The following FAM25A variants were observed in gnomAD, a reference collection of about 807,000 sequenced individuals.
The protein encoded by FAM25A is family with sequence similarity 25 member A.
Under a neutral mutation model 6.6 loss-of-function variants are expected in FAM25A, and 5 were observed. That is an observed-to-expected ratio of 0.75 (90% CI 0.39 to 1.59). FAM25A has a LOEUF of 1.59. Among genes scored for constraint, FAM25A ranks in the 40% most tolerant of loss-of-function variants. The pLI is 0.02. For synonymous variants in FAM25A, 36 were observed against 41.3 expected, an observed-to-expected ratio of 0.87 and a Z score of 0.49; for missense variants, 93 against 109.7, an observed-to-expected ratio of 0.85 and a Z score of 0.68.
At chr10:87,022,209 C>T (rs1480792534) in intron 1 of FAM25A, 105 bp from the exon 2 acceptor site, 4 of 1,407,596 alleles carry the variant, frequency 2.8e-6, no homozygotes, top group Non-Finnish European at 3.9e-6. Context: ...TGAGCCCTCA[C>T]CCTGGACTGG....
chr10:87,020,984 T>C (rs1845325065), intron 1 of FAM25A, among the ~76,000 whole-genome samples: 1 of 152,160 alleles, frequency 6.6e-6, no homozygotes, highest in Non-Finnish European at 1.5e-5. Flanking sequence ...CCCACCACCA[T>C]GCCCAACTAA....
At chr10:87,024,168 A>C (rs1225046843) in intron 2 of FAM25A, among the ~76,000 whole-genome samples, 1 of 151,924 alleles carries the variant, frequency 6.6e-6, no homozygotes, top group African/African-American at 2.4e-5. Context: ...CCAAAAAAAA[A>C]AAAACTATAA....
Position 87,022,355 on chromosome 10 carries a change from G to T in FAM25A, c.115G>T (p.Ala39Ser). The T allele has an allele frequency of 6.5e-7, 1 of 1,548,646 alleles. No homozygotes were observed. The highest frequency in any genetic ancestry group is 2.4e-5 in the East Asian group (1 of 40,914). Residue 39 changes from alanine to serine, a missense_variant, in exon 2 of 3, where the codon GCC becomes TCC. Coordinates refer to ENST00000343959, the MANE Select transcript of FAM25A (RefSeq NM_001146157.3). ...EEVVKEVVGH[A>S]KETGEKAIAE... ...AGTGGTGAAGGAGGTGGTGGGACAC[G>T]CCAAGGAGACTGGAGAGAAAGGTAC...
chr10:87,022,442 C>T, intron 2 of FAM25A, 66 bp downstream of exon 2: 1 of 1,527,732 alleles, frequency 6.5e-7, no homozygotes, highest in East Asian at 2.4e-5. Flanking sequence ...GCTGGGCCAA[C>T]CTGTTCTTTG....
At chr10:87,021,651 G>GCAA in intron 1 of FAM25A, among the ~76,000 whole-genome samples, 1 of 152,144 alleles carries the variant, frequency 6.6e-6, no homozygotes, top group African/African-American at 2.4e-5. Context: ...CCCGCGACCT[G>GCAA]GTGTTGGGTC....
At chr10:87,022,906 T>G (rs1210965548) in intron 2 of FAM25A, among the ~76,000 whole-genome samples, 352 of 109,366 alleles carry the variant, frequency 3.2e-3, no homozygotes, top group Middle Eastern at 0.029. Context: ...CAGCCTGGGC[T>G]ACAGAGTGAG....
chr10:87,020,457 T>C (rs1845320681), intron 1 of FAM25A, 60 bp downstream of exon 1: 59 of 1,538,654 alleles, frequency 3.8e-5, no homozygotes, highest in Non-Finnish European at 5.1e-5. Flanking sequence ...ACTGGGTCTG[T>C]GGGAGGCGGA....
At chr10:87,022,402 G>A in intron 2 of FAM25A, 26 bp downstream of exon 2, 5 of 1,545,576 alleles carry the variant, frequency 3.2e-6, no homozygotes, top group South Asian at 1.2e-5. Context: ...GTCGGGCAGG[G>A]AAGGAGGGAG....
chr10:87,023,519 A>G (rs111328347), intron 2 of FAM25A, among the ~76,000 whole-genome samples: 2 of 152,166 alleles, frequency 1.3e-5, no homozygotes, highest in East Asian at 3.9e-4. Flanking sequence ...TCAGGAGTTC[A>G]AGACCAGCCT....
chr10:87,021,373 G>C (rs1368699864), intron 1 of FAM25A, among the ~76,000 whole-genome samples: 2 of 152,208 alleles, frequency 1.3e-5, no homozygotes, highest in Admixed American at 1.3e-4. Flanking sequence ...GAGAGAAGCT[G>C]AGGCAGGGCT....
intron 1 of FAM25A, among the ~76,000 whole-genome samples, chr10:87,021,875 C>T: frequency 6.6e-6 from 1 of 152,230 alleles, no homozygotes; most frequent in East Asian, 1.9e-4. Flanking sequence ...CTTTGGAAAC[C>T]AACCTGAGGC....
At chr10:87,021,284 G>C (rs1173130058) in intron 1 of FAM25A, among the ~76,000 whole-genome samples, 1 of 152,174 alleles carries the variant, frequency 6.6e-6, no homozygotes, top group Non-Finnish European at 1.5e-5. Flanking sequence ...CTCTGCAGCT[G>C]GTGTGGACCA....
intron 1 of FAM25A, among the ~76,000 whole-genome samples, chr10:87,021,397 G>T (rs1224595954): frequency 6.6e-6 from 1 of 152,192 alleles, no homozygotes; most frequent in Non-Finnish European, 1.5e-5. Context: ...TAGATTGGCT[G>T]GCTCCTTGCT....
intron 1 of FAM25A, 84 bp downstream of exon 1, chr10:87,020,481 G>A (rs1405884807): frequency 2.1e-5 from 31 of 1,508,248 alleles, no homozygotes; most frequent in Non-Finnish European, 2.6e-5. Flanking sequence ...AAGTAGGCAG[G>A]TGAGGACCTG....
At chr10:87,022,146 C>T (rs949056884) in intron 1 of FAM25A, among the ~76,000 whole-genome samples, 168 bp from the exon 2 acceptor site, 2 of 152,014 alleles carry the variant, frequency 1.3e-5, no homozygotes, top group Non-Finnish European at 2.9e-5. Flanking sequence ...ATCCCAGAGC[C>T]CCATCTAGGA....
chr10:87,023,096 C>CT (rs1039949284), intron 2 of FAM25A, among the ~76,000 whole-genome samples: 6 of 151,412 alleles, frequency 4.0e-5, no homozygotes, highest in African/African-American at 1.5e-4. Flanking sequence ...TGGCGGGTGC[C>CT]TGTAGTCCTA....
At chr10:87,020,896 G>A (rs904644446) in intron 1 of FAM25A, among the ~76,000 whole-genome samples, 27 of 152,052 alleles carry the variant, frequency 1.8e-4, no homozygotes, top group African/African-American at 5.6e-4. Context: ...GTGCGATCTC[G>A]GCTCACTGTA....
chr10:87,023,437 T>C (rs1333045840), intron 2 of FAM25A, among the ~76,000 whole-genome samples: 1 of 151,706 alleles, frequency 6.6e-6, no homozygotes, highest in African/African-American at 2.4e-5. Context: ...TAAAATACCA[T>C]AGGCCAGGTG....
At chr10:87,023,966 C>T (rs1167440077) in intron 2 of FAM25A, among the ~76,000 whole-genome samples, 1 of 152,050 alleles carries the variant, frequency 6.6e-6, no homozygotes. Context: ...AATATCATTA[C>T]ATTAAGACTG....
Sources: gnomAD v4.1 joint callset for allele counts (sites outside exome capture counted in the v4.1 genomes callset) on GRCh38, gnomAD v4.1.1 for gene constraint, MANE v1.5 for transcripts, NCBI Gene and HGNC (gene_info 2026-07-23, HGNC 2026-07-21) for gene names.